The following MYEF2 variants were observed in gnomAD, a reference collection of about 807,000 sequenced individuals.
MYEF2 encodes myelin expression factor 2, also known as myelin gene expression factor 2.
Under a neutral mutation model 75.2 loss-of-function variants are expected in MYEF2, and 37 were observed. That is an observed-to-expected ratio of 0.49 (90% CI 0.38 to 0.65). MYEF2 has a LOEUF of 0.65. MYEF2 is among the 30% of genes least tolerant of loss of function. The pLI is 0.00. For missense variants in MYEF2, 634 were observed against 771.4 expected (o/e 0.82, Z 2.11); for synonymous variants, 195 against 241.6 (o/e 0.81, Z 1.79).
chr15:48,144,101 G>C (rs1167853600), intron 16 of MYEF2, among the ~76,000 whole-genome samples: 1 of 151,966 alleles, frequency 6.6e-6, no homozygotes, highest in African/African-American at 2.4e-5. Context: ...ATAGTTGCCA[G>C]ATCACTATGG....
chr15:48,175,127 T>C (rs2040471980), intron 1 of MYEF2, among the ~76,000 whole-genome samples: 1 of 152,166 alleles, frequency 6.6e-6, no homozygotes, highest in Non-Finnish European at 1.5e-5. Context: ...AATATTATTA[T>C]TCAGCCTTAC....
At chr15:48,177,970 G>A (rs2040613001) in intron 1 of MYEF2, 107 bp downstream of exon 1, 1 of 1,411,960 alleles carries the variant, frequency 7.1e-7, no homozygotes, top group Admixed American at 2.3e-5. Context: ...GGGGCGGGCC[G>A]GGGTCTGGGG....
chr15:48,138,961 C>T lies in MYEF2; in HGVS notation c.*3947G>A. ...AAAACTCAAAAGTGTTTACTTTTTCCACAACAGATCCACCAAGTGTTTTCA... is the reference window on the plus strand; with the variant it reads ...AAAACTCAAAAGTGTTTACTTTTTCTACAACAGATCCACCAAGTGTTTTCA... On this transcript the variant is annotated 3_prime_UTR_variant, in exon 17 of 17. Coordinates refer to ENST00000324324, the MANE Select transcript of MYEF2 (RefSeq NM_016132.5). 1 of 1,603,344 alleles carries T rather than the reference C, an allele frequency of 6.2e-7. No homozygotes were observed. Among genetic ancestry groups the T allele is most frequent in the Non-Finnish European group, 8.5e-7 (1 of 1,175,296 alleles).
At chr15:48,164,619 A>G (rs2040069661) in intron 5 of MYEF2, among the ~76,000 whole-genome samples, 1 of 152,170 alleles carries the variant, frequency 6.6e-6, no homozygotes, top group Non-Finnish European at 1.5e-5. Flanking sequence ...AGAGAAATCT[A>G]TTATGAAAGG....
At chr15:48,173,454 T>C (rs1455719816) in intron 1 of MYEF2, among the ~76,000 whole-genome samples, 1 of 152,120 alleles carries the variant, frequency 6.6e-6, no homozygotes, top group Non-Finnish European at 1.5e-5. Flanking sequence ...ATGCCCATGC[T>C]CACCACTTCT....
At chr15:48,167,012 C>T (rs535137701) in intron 3 of MYEF2, among the ~76,000 whole-genome samples, 1 of 152,004 alleles carries the variant, frequency 6.6e-6, no homozygotes, top group South Asian at 2.1e-4. Flanking sequence ...TCAAAAAACT[C>T]AGGAATATTA....
intron 2 of MYEF2, 90 bp from the exon 3 acceptor site, chr15:48,167,491 C>T (rs963315466): frequency 3.5e-6 from 4 of 1,142,564 alleles, no homozygotes; most frequent in South Asian, 1.4e-5. Context: ...CACAACTCTA[C>T]AGAGAAGCAC....
Position 48,178,248 on chromosome 15 carries a change from C to G in MYEF2, c.-11G>C, listed in dbSNP as rs1297195743. 7.2e-7 allele frequency: 1 copy of G among 1,386,314 alleles called. No homozygotes were observed. The highest frequency in any genetic ancestry group is 9.3e-7 in the Non-Finnish European group (1 of 1,075,418). The allele number at this position is 1,386,314 out of a possible 1,614,324, so 85.9% of individuals were successfully genotyped here. A position where few individuals can be genotyped will look rare whatever the true frequency, so the allele number is the denominator to read the frequency against. On this transcript the variant is annotated 5_prime_UTR_variant, in exon 1 of 17. Coordinates refer to ENST00000324324, the MANE Select transcript of MYEF2 (RefSeq NM_016132.5). ...GTTGGCGTCCGCCATCCCGCCGCCGCTGCCTCCGCCTCGGCCGCCTGAGCT... is the reference window on the plus strand; with the variant it reads ...GTTGGCGTCCGCCATCCCGCCGCCGGTGCCTCCGCCTCGGCCGCCTGAGCT...
Position 48,151,536 on chromosome 15 carries a change from G to T in MYEF2, c.1243C>A (p.Arg415=). 1 of 1,612,666 alleles carries T rather than the reference G, an allele frequency of 6.2e-7. No homozygotes were observed. Among genetic ancestry groups the T allele is most frequent in the Non-Finnish European group, 8.5e-7 (1 of 1,179,206 alleles). The change falls in exon 13 of 17, where the codon CGA becomes AGA. Residue 415 remains arginine, a synonymous_variant. Coordinates refer to ENST00000324324, the MANE Select transcript of MYEF2 (RefSeq NM_016132.5). ...CCAATATCACCACGTCCAAAATCTC[G>T]CTCCATGCTACTAGTCATCGCACCA... ...YRGAMTSSME[R]DFGRGDIGIN...
chr15:48,161,266 G>A (rs2039932492), intron 5 of MYEF2, among the ~76,000 whole-genome samples: 1 of 151,928 alleles, frequency 6.6e-6, no homozygotes. Context: ...GTTACTGACT[G>A]CTATTGCTTT....
Position 48,159,794 on chromosome 15 carries a change from C to A in MYEF2, c.536G>T (p.Gly179Val). The change falls in exon 6 of 17, where the codon GGA becomes GTA. Residue 179 changes from glycine (G) to valine (V), a missense_variant. Physicochemically the swap from Gly to Val is moderately radical, Grantham distance 109. Transcript: ENST00000324324. ...RPLNIKEDPD[G>V]ENARRALQRT... ...CTGCAATGCCCTACGAGCATTTTCTCCATCAGGATCCTATAACACACATTG... is the reference window on the plus strand; with the variant it reads ...CTGCAATGCCCTACGAGCATTTTCTACATCAGGATCCTATAACACACATTG... 1 of 1,612,078 alleles carries A rather than the reference C, an allele frequency of 6.2e-7. No homozygotes were observed. The highest frequency in any genetic ancestry group is 8.5e-7 in the Non-Finnish European group (1 of 1,179,118).
At chr15:48,160,486 T>TACACACACACACACACACACACAC (rs372090273) in intron 5 of MYEF2, among the ~76,000 whole-genome samples, 1 of 139,218 alleles carries the variant, frequency 7.2e-6, no homozygotes, top group African/African-American at 2.6e-5. Context: ...AAACCAAACA[T>TACACACACACACACACACACACAC]ACACACACAC....
Position 48,138,973 on chromosome 15 carries a change from A to C in MYEF2, c.*3935T>G. The C allele has an allele frequency of 6.2e-7, 1 of 1,611,568 alleles. No individual in the cohort carries two copies. The highest frequency in any genetic ancestry group is 8.5e-7 in the Non-Finnish European group (1 of 1,178,644). On this transcript the variant is annotated 3_prime_UTR_variant, in exon 17 of 17. Transcript: ENST00000324324. ...TGTTTACTTTTTCCACAACAGATCC[A>C]CCAAGTGTTTTCAACATGCCTGAAG...
intron 5 of MYEF2, chr15:48,162,584 C>A (rs1404124620): frequency 6.6e-6 from 1 of 152,170 alleles, no homozygotes; most frequent in African/African-American, 2.4e-5. Context: ...CTTTACTGTG[C>A]TTTGCAGATA....
chr15:48,149,411 G>A lies in MYEF2; in HGVS notation c.1379-40C>T, dbSNP rs753622484. 1.3e-6 allele frequency: 2 copies of A among 1,593,494 alleles called. No homozygotes were observed. Among genetic ancestry groups the A allele is most frequent in the South Asian group, 2.2e-5 (2 of 89,490 alleles). On this transcript the variant is annotated intron_variant, in intron 14 of 16. Coordinates refer to ENST00000324324, the MANE Select transcript of MYEF2 (RefSeq NM_016132.5). This position sits in a 1 kb window ranked among gnomAD's most constrained non-coding sequence, Gnocchi z 4.0. ...AAGGACGGGGGGATTTGGGAATTTT[G>A]TGTTTTTGTTTCAAAAACATAAGGA...
intron 5 of MYEF2, among the ~76,000 whole-genome samples, chr15:48,164,534 T>C (rs552404642): frequency 6.6e-6 from 1 of 152,210 alleles, no homozygotes; most frequent in Admixed American, 6.5e-5. Flanking sequence ...CAGCAGCAGG[T>C]TTGAGAGGAC....
chr15:48,153,223 C>T (rs2039562460), intron 10 of MYEF2: 1 of 151,968 alleles, frequency 6.6e-6, no homozygotes, highest in Admixed American at 6.6e-5. Flanking sequence ...ATGAGTTTAT[C>T]ATTTTTTAAT....
Position 48,134,736 on chromosome 15 carries a change from A to G in MYEF2, c.*8172T>C. ...AGATTTATGAAAGTCTGTGTAAGTT[A>G]GAACACAATTTTACATTTTTTTCTC... On this transcript the variant is annotated 3_prime_UTR_variant, in exon 17 of 17. Transcript: ENST00000324324. The G allele has an allele frequency of 1.3e-6, 1 of 754,812 alleles. No individual in the cohort carries two copies. The highest frequency in any genetic ancestry group is 2.1e-6 in the Non-Finnish European group (1 of 474,046). The allele number at this position is 754,812 out of a possible 1,614,324, so 46.8% of individuals were successfully genotyped here.
intron 9 of MYEF2, among the ~76,000 whole-genome samples, chr15:48,156,739 G>A (rs2039711470): frequency 6.6e-6 from 1 of 151,092 alleles, no homozygotes; most frequent in Non-Finnish European, 1.5e-5. Context: ...GAAGAAACTA[G>A]AGCTACATCT....
Sources: allele counts gnomAD v4.1 joint callset (sites outside exome capture counted in the v4.1 genomes callset), GRCh38; gene constraint gnomAD v4.1.1; non-coding constraint Gnocchi (gnomAD v3.1); transcripts MANE v1.5; gene names NCBI Gene and HGNC (gene_info 2026-07-23, HGNC 2026-07-21).